INSL6: variants seen among roughly 807,000 people sequenced by gnomAD.
The protein encoded by INSL6 is insulin like 6, also known as insulin-like peptide INSL6.
In INSL6, 16 loss-of-function variants were observed where a neutral mutation model predicts 9.4. That is an observed-to-expected ratio of 1.70 (90% CI 1.15 to 2.59). The LOEUF (loss-of-function observed/expected upper bound fraction) is 2.59, where lower values mean the gene tolerates loss of function less well. Among genes scored for constraint, INSL6 ranks in the 30% most tolerant of loss-of-function variants. The pLI, the probability that INSL6 is intolerant of heterozygous loss-of-function variation, is 0.00. For missense variants in INSL6, 391 were observed against 257.3 expected, an observed-to-expected ratio of 1.52 and a Z score of -3.56; for synonymous variants, 154 against 96.9, an observed-to-expected ratio of 1.59 and a Z score of -3.46.
the INSL6 span, among the ~76,000 whole-genome samples, chr9:5,043,356 C>T: frequency 1.3e-5 from 2 of 151,402 alleles, no homozygotes; most frequent in African/African-American, 4.8e-5. Context: ...AAAAGATGCC[C>T]AACATCATTG....
chr9:5,005,377 T>C, the INSL6 span, among the ~76,000 whole-genome samples: 2 of 152,122 alleles, frequency 1.3e-5, no homozygotes, highest in Non-Finnish European at 2.9e-5. Context: ...ATCATATGGA[T>C]GGCTTGAAAA....
chr9:5,004,401 C>G, the INSL6 span, among the ~76,000 whole-genome samples: 6 of 152,136 alleles, frequency 3.9e-5, no homozygotes, highest in Non-Finnish European at 8.8e-5. Context: ...CTTTCTGTGC[C>G]TAGCTTTATT....
At chr9:5,069,121 G>C in the INSL6 span, 1 of 1,612,868 alleles carries the variant, frequency 6.2e-7, no homozygotes, top group Non-Finnish European at 8.5e-7. Context: ...CAGTCTTAAA[G>C]ATCTTTTGAA....
the INSL6 span, chr9:5,050,914 G>C: frequency 1.6e-6 from 2 of 1,224,876 alleles, no homozygotes; most frequent in South Asian, 2.7e-5. Flanking sequence ...GTTTACCCAT[G>C]CCTTTTGATT....
intron 2 of INSL6, among the ~76,000 whole-genome samples, chr9:5,143,464 T>A (rs535649509): frequency 6.6e-6 from 1 of 152,130 alleles, no homozygotes; most frequent in African/African-American, 2.4e-5. Context: ...TGTTTTCCAG[T>A]TGATTTCCAT....
the INSL6 span, chr9:5,100,241 C>T: frequency 6.6e-6 from 1 of 152,120 alleles, no homozygotes. Context: ...ACATAATGAC[C>T]CACCAAACAC....
At chr9:5,062,179 C>T in the INSL6 span, among the ~76,000 whole-genome samples, 1 of 151,878 alleles carries the variant, frequency 6.6e-6, no homozygotes, top group African/African-American at 2.4e-5. Context: ...TCACAGGATG[C>T]AAAACCTGCA....
intron 2 of INSL6, among the ~76,000 whole-genome samples, chr9:5,148,654 T>C (rs1450691407): frequency 6.6e-6 from 1 of 152,156 alleles, no homozygotes; most frequent in African/African-American, 2.4e-5. Context: ...CCTGAGAGTG[T>C]GGGCTCCTTC....
the INSL6 span, among the ~76,000 whole-genome samples, chr9:5,101,793 A>T: frequency 6.8e-4 from 103 of 152,316 alleles, no homozygotes; most frequent in African/African-American, 2.3e-3. Flanking sequence ...ACTCCAAGAG[A>T]CCTGCAGCTG....
the INSL6 span, chr9:5,100,824 C>G: frequency 6.6e-6 from 1 of 152,370 alleles, no homozygotes; most frequent in Admixed American, 6.5e-5. Flanking sequence ...GCTCAACATT[C>G]TTTACAGCCA....
the INSL6 span, among the ~76,000 whole-genome samples, chr9:5,000,138 A>G: frequency 1.3e-5 from 2 of 151,974 alleles, no homozygotes; most frequent in Non-Finnish European, 2.9e-5. Context: ...AAACCTTTGT[A>G]GTATATATTT....
chr9:5,081,955 A>G, the INSL6 span: 5 of 1,036,158 alleles, frequency 4.8e-6, no homozygotes, highest in Non-Finnish European at 7.2e-6. Flanking sequence ...CAACATTTTA[A>G]GGAGTGCTTG....
chr9:5,021,169 C>G, the INSL6 span, among the ~76,000 whole-genome samples: 2 of 152,064 alleles, frequency 1.3e-5, no homozygotes, highest in Non-Finnish European at 2.9e-5. Flanking sequence ...GCAGGCTGCC[C>G]CACTTCCCTC....
At chr9:5,152,752 G>A (rs891448881) in intron 2 of INSL6, among the ~76,000 whole-genome samples, 2 of 152,216 alleles carry the variant, frequency 1.3e-5, no homozygotes, top group African/African-American at 4.8e-5. Context: ...ACCAAGAGTT[G>A]CTGGTGAGAT....
At chr9:5,151,173 C>T (rs1586864071) in intron 2 of INSL6, among the ~76,000 whole-genome samples, 1 of 152,088 alleles carries the variant, frequency 6.6e-6, no homozygotes, top group African/African-American at 2.4e-5. Flanking sequence ...AAGGCCCAGA[C>T]TTCACCACTA....
the INSL6 span, among the ~76,000 whole-genome samples, chr9:5,106,419 C>A: frequency 9.9e-5 from 15 of 152,064 alleles, no homozygotes; most frequent in African/African-American, 3.6e-4. Context: ...GAAGATGTGG[C>A]GAAATAGGAA....
chr9:5,075,188 G>A, the INSL6 span, among the ~76,000 whole-genome samples: 4 of 151,996 alleles, frequency 2.6e-5, no homozygotes, highest in Non-Finnish European at 5.9e-5. Flanking sequence ...CATGTGCACA[G>A]CATAAGTGCA....
At chr9:5,076,249 T>C in the INSL6 span, among the ~76,000 whole-genome samples, 5 of 152,206 alleles carry the variant, frequency 3.3e-5, no homozygotes, top group African/African-American at 1.2e-4. Flanking sequence ...GTTGCAGGGT[T>C]TGAGAGGACT....
the INSL6 span, among the ~76,000 whole-genome samples, chr9:5,021,008 A>C: frequency 6.6e-6 from 1 of 152,036 alleles, no homozygotes; most frequent in African/African-American, 2.4e-5. Context: ...GCAGCTCCCT[A>C]TGTTACTCCC....
Sources: allele counts gnomAD v4.1 joint callset (sites outside exome capture counted in the v4.1 genomes callset), GRCh38; gene constraint gnomAD v4.1.1; transcripts MANE v1.5; gene names NCBI Gene and HGNC (gene_info 2026-07-23, HGNC 2026-07-21).